Variants in FAM234B observed in about 807,000 individuals in gnomAD.
FAM234B encodes the protein protein FAM234B.
A neutral mutation model predicts 69.3 loss-of-function variants in FAM234B; 33 were observed. The ratio of observed to expected loss-of-function variants is 0.48; its 90% CI spans 0.36 to 0.64. The LOEUF (loss-of-function observed/expected upper bound fraction) is 0.64. Ranked by LOEUF, FAM234B falls within the 30% of genes least tolerant of loss-of-function variation. The pLI is 0.00. For missense variants in FAM234B, 697 were observed against 769.7 expected (o/e 0.91, Z 1.12); for synonymous variants, 306 against 306.9 (o/e 1.00, Z 0.03).
At position 13,081,903 on chromosome 12, in the gene FAM234B, T is replaced by A. The variant is rs1374410717; in HGVS notation, c.*1273T>A. ...CTGCTTCTTGAATAACCTTGATAGG[T>A]CATCCCTGAGTGCACCTCAGGTTCT... On this transcript the variant is annotated 3_prime_UTR_variant, in exon 13 of 13. Coordinates refer to ENST00000197268, the MANE Select transcript of FAM234B (RefSeq NM_020853.2). 1.3e-5 allele frequency: 2 copies of A among 149,888 alleles called. No individual in the cohort carries two copies. Among genetic ancestry groups the A allele is most frequent in the Non-Finnish European group, 3.0e-5 (2 of 67,234 alleles). 9.3% of individuals were successfully genotyped at this position (149,888 alleles called of 1,614,324 possible).
chr12:13,046,642 T>G (rs1163149695), intron 1 of FAM234B, among the ~76,000 whole-genome samples: 2 of 152,170 alleles, frequency 1.3e-5, no homozygotes, highest in African/African-American at 4.8e-5. Flanking sequence ...GTATTTTTAG[T>G]AGAGACAGGG....
At chr12:13,046,827 C>T (rs1864818115) in intron 1 of FAM234B, among the ~76,000 whole-genome samples, 1 of 152,192 alleles carries the variant, frequency 6.6e-6, no homozygotes, top group Non-Finnish European at 1.5e-5. Flanking sequence ...ATGAGACAGG[C>T]TCGGGTTCAA....
At chr12:13,069,827 G>A (rs1227577642) in intron 9 of FAM234B, among the ~76,000 whole-genome samples, 1 of 152,138 alleles carries the variant, frequency 6.6e-6, no homozygotes, top group Non-Finnish European at 1.5e-5. Flanking sequence ...TATGGGCAGA[G>A]GACAGATACA....
At chr12:13,057,885 A>ATGGTGG (rs1195883791) in intron 2 of FAM234B, among the ~76,000 whole-genome samples, 1 of 152,084 alleles carries the variant, frequency 6.6e-6, no homozygotes, top group Non-Finnish European at 1.5e-5. Flanking sequence ...CATGACCCTG[A>ATGGTGG]TGGTGGTGGT....
At chr12:13,052,366 T>C (rs889014440) in intron 1 of FAM234B, among the ~76,000 whole-genome samples, 2 of 152,178 alleles carry the variant, frequency 1.3e-5, no homozygotes, top group Non-Finnish European at 2.9e-5. Context: ...GGTCTCTTGC[T>C]GTGCTTTCTC....
At chr12:13,057,438 TTAAG>T (rs1191766434) in intron 2 of FAM234B, among the ~76,000 whole-genome samples, 2 of 150,868 alleles carry the variant, frequency 1.3e-5, no homozygotes, top group African/African-American at 4.9e-5. Flanking sequence ...TGATGAACCT[TTAAG>T]TAATGCTTCC....
rs756567282 is a variant in FAM234B, at chr12:13,071,354, C to T, written c.1482C>T (p.Phe494=). The T allele has an allele frequency of 1.2e-6, 2 of 1,614,120 alleles. No individual in the cohort carries two copies. The highest frequency in any genetic ancestry group is 4.5e-5 in the East Asian group (2 of 44,874). ...SAVTSDQKSV[F]LFWAEGLSAA... is the part of the protein sequence containing the mutation. ...TTACTTCAGACCAGAAGTCTGTCTT[C>T]CTCTTCTGGGCCGAAGGGCTGTCAG... Residue 494 remains phenylalanine, a synonymous_variant, in exon 10 of 13, where the codon TTC becomes TTT. Transcript: ENST00000197268.
chr12:13,055,728 C>T lies in FAM234B; in HGVS notation c.215C>T (p.Pro72Leu), dbSNP rs1565507532. 3.7e-6 allele frequency: 6 copies of T among 1,614,218 alleles called. No individual in the cohort carries two copies. The highest frequency in any genetic ancestry group is 5.1e-6 in the Non-Finnish European group (6 of 1,180,036). ...SDAEVAEAAKPHLSEVTTEGY... is the reference protein window; with the variant it reads ...SDAEVAEAAKLHLSEVTTEGY... ...GCTGAGGTTGCAGAGGCTGCAAAGC[C>T]ACATCTTTCAGAAGTCACCACGGAG... Residue 72 changes from proline to leucine, a missense_variant, in exon 2 of 13, where the codon CCA becomes CTA. Physicochemically the swap from Pro to Leu is moderately conservative, Grantham distance 98. Transcript: ENST00000197268.
chr12:13,045,601 A>T lies in FAM234B; in HGVS notation c.37+1161A>T, dbSNP rs527691013. On this transcript the variant is annotated intron_variant, in intron 1 of 12. Transcript: ENST00000197268. ...TATTAATTTGCGTTTCTGTCCCCAGACTTCATGACCTCAGACAGATTATTA... is the reference window on the plus strand; with the variant it reads ...TATTAATTTGCGTTTCTGTCCCCAGTCTTCATGACCTCAGACAGATTATTA... Among the ~76,000 whole-genome samples the T allele has an allele frequency of 2.7e-3, 416 of 152,144 alleles. 3 individuals are homozygous for T. The highest frequency in any genetic ancestry group is 9.5e-3 in the African/African-American group (394 of 41,506).
At chr12:13,059,951 A>G (rs1864968271) in intron 3 of FAM234B, among the ~76,000 whole-genome samples, 1 of 152,252 alleles carries the variant, frequency 6.6e-6, no homozygotes, top group Non-Finnish European at 1.5e-5. Context: ...AATATGGACC[A>G]GGCTGATTTG....
intron 12 of FAM234B, 86 bp downstream of exon 12, chr12:13,080,095 A>G: frequency 9.8e-7 from 1 of 1,020,868 alleles, no homozygotes; most frequent in Non-Finnish European, 1.4e-6. Context: ...AGTAGGCAGA[A>G]TGGGGAACTT....
chr12:13,060,625 C>T (rs1864974169), intron 3 of FAM234B, among the ~76,000 whole-genome samples: 1 of 152,158 alleles, frequency 6.6e-6, no homozygotes, highest in Non-Finnish European at 1.5e-5. Flanking sequence ...CTGAAACAGC[C>T]AGCCATTGTT....
At chr12:13,053,724 T>C (rs1864899718) in intron 1 of FAM234B, among the ~76,000 whole-genome samples, 1 of 152,124 alleles carries the variant, frequency 6.6e-6, no homozygotes, top group Admixed American at 6.5e-5. Context: ...AAAACAGGGT[T>C]GGAGAGCAGA....
chr12:13,061,743 G>A lies in FAM234B; in HGVS notation c.701G>A (p.Ser234Asn), dbSNP rs1261021524. Reference sequence around the variant, plus strand: ...GTGACAGGGACACACAAGATGCTCAGCGCATTCAATGCAACGTCAGGTAAA... The same window carrying A: ...GTGACAGGGACACACAAGATGCTCAACGCATTCAATGCAACGTCAGGTAAA... ...CLVTGTHKML[S>N]AFNATSGKAI... Residue 234 changes from serine (S) to asparagine (N), a missense_variant, in exon 4 of 13, where the codon AGC (serine) becomes AAC (asparagine). This residue lies in a region of FAM234B where 380 missense variants were observed against 447.1 expected (regional missense o/e 0.85). Coordinates refer to ENST00000197268, the MANE Select transcript of FAM234B (RefSeq NM_020853.2). 6 of 1,613,862 alleles carry A rather than the reference G, an allele frequency of 3.7e-6. No homozygotes were observed. In the African/African-American group the frequency reaches 8.0e-5, roughly 22 times the overall value.
intron 11 of FAM234B, among the ~76,000 whole-genome samples, chr12:13,078,296 G>A (rs1865184373): frequency 6.6e-6 from 1 of 152,060 alleles, no homozygotes; most frequent in African/African-American, 2.4e-5. Context: ...TGTCAATTTT[G>A]TCTTTTGTTG....
chr12:13,054,498 A>C (rs1230705290), intron 1 of FAM234B, among the ~76,000 whole-genome samples: 1 of 152,224 alleles, frequency 6.6e-6, no homozygotes, highest in East Asian at 1.9e-4. Flanking sequence ...GACATCACCA[A>C]GGCCATAGTG....
chr12:13,071,176 C>T lies in FAM234B; in HGVS notation c.1369-65C>T. 1.9e-6 allele frequency: 3 copies of T among 1,552,756 alleles called. No homozygotes were observed. The South Asian group carries it at 3.4e-5, about 17-fold the overall frequency. On this transcript the variant is annotated intron_variant, in intron 9 of 12. Coordinates refer to ENST00000197268, the MANE Select transcript of FAM234B (RefSeq NM_020853.2). ...GAATACCTGTGCATTTTTGTGTGTG[C>T]ATTTTCTGGGCCTGCTGCTTTTTTG...
At chr12:13,046,533 T>C (rs931516842) in intron 1 of FAM234B, among the ~76,000 whole-genome samples, 2 of 151,892 alleles carry the variant, frequency 1.3e-5, no homozygotes, top group Non-Finnish European at 2.9e-5. Flanking sequence ...TGATCTCGGC[T>C]CACCGCAACC....
At position 13,058,782 on chromosome 12, in the gene FAM234B, A is replaced by G. The variant is rs10492246; in HGVS notation, c.532+233A>G. On this transcript the variant is annotated intron_variant, in intron 3 of 12. Transcript: ENST00000197268. The stretch of plus-strand genomic sequence containing the variant: ...AGGAATTTTTAGTGGTGACCAGGCC[A>G]GTGAAGAAACTGTGATGCAGAGAGG... 0.063 allele frequency among the ~76,000 whole-genome samples: 9,660 copies of G among 152,238 alleles called. 642 individuals are homozygous for G. Among genetic ancestry groups the G allele is most frequent in the East Asian group, 0.27 (1,396 of 5,172 alleles).
Sources: gnomAD v4.1 joint callset for allele counts (sites outside exome capture counted in the v4.1 genomes callset) on GRCh38, gnomAD v4.1.1 for gene constraint, gnomAD v4.1.1 regional missense constraint, MANE v1.5 for transcripts, NCBI Gene and HGNC (gene_info 2026-07-23, HGNC 2026-07-21) for gene names.